The following CDH19 variants were observed in gnomAD, a reference collection of about 807,000 sequenced individuals.
The protein encoded by CDH19 is cadherin-19.
CDH19 carries 67 observed loss-of-function variants against 64.2 expected under a neutral mutation model. The observed-to-expected ratio is 1.04, with a 90% CI of 0.86 to 1.28. CDH19 has a LOEUF of 1.28. CDH19 is among the 50% of genes most tolerant of loss of function. The probability of loss-of-function intolerance (pLI) is 0.00; values close to 1 mark genes in which losing one functional copy is unlikely to be tolerated. For synonymous variants in CDH19, 346 were observed against 319.3 expected (o/e 1.08, Z -0.89); for missense variants, 1,030 against 929.0 (o/e 1.11, Z -1.41).
At chr18:66,536,332 G>A (rs888954490) in intron 7 of CDH19, among the ~76,000 whole-genome samples, 3 of 151,652 alleles carry the variant, frequency 2.0e-5, no homozygotes, top group Admixed American at 6.6e-5. Flanking sequence ...AAATCACGAG[G>A]AATTAAGCTT....
intron 7 of CDH19, among the ~76,000 whole-genome samples, chr18:66,537,667 A>G (rs1185219393): frequency 6.6e-6 from 1 of 152,072 alleles, no homozygotes; most frequent in Non-Finnish European, 1.5e-5. Flanking sequence ...TGGAACCACA[A>G]GATGCTCCAG....
chr18:66,586,497 A>T (rs1988582268), intron 1 of CDH19, among the ~76,000 whole-genome samples: 1 of 151,964 alleles, frequency 6.6e-6, no homozygotes, highest in Non-Finnish European at 1.5e-5. Context: ...GGAAGTAGTT[A>T]GAGAATATTA....
At chr18:66,554,633 G>T (rs1987454636) in intron 3 of CDH19, 109 bp from the exon 4 acceptor site, 4 of 805,258 alleles carry the variant, frequency 5.0e-6, no homozygotes, top group Non-Finnish European at 5.6e-6. Flanking sequence ...CAAAATGAAA[G>T]CTCAATTCAC....
chr18:66,544,835 C>T lies in CDH19; in HGVS notation c.844G>A (p.Asp282Asn). 1 of 1,612,196 alleles carries T rather than the reference C, an allele frequency of 6.2e-7. No homozygotes were observed. The highest frequency in any genetic ancestry group is 8.5e-7 in the Non-Finnish European group (1 of 1,178,464). Residue 282 changes from aspartate (D) to asparagine (N), a missense_variant, in exon 6 of 12, where the codon GAT becomes AAT. Coordinates refer to ENST00000262150, the MANE Select transcript of CDH19 (RefSeq NM_021153.4). The stretch of plus-strand genomic sequence containing the variant: ...TCTGCATTCTCTCCTATGTCATTAT[C>T]ATATGCCATGATTGTTCCTATAGAA... ...GTSIGTIMAYDNDIGENAEMD... is the reference protein window; with the variant it reads ...GTSIGTIMAYNNDIGENAEMD...
In CDH19 at chr18:66,535,115, A is replaced by G; in HGVS notation, c.1215-8T>C. The stretch of plus-strand genomic sequence containing the variant: ...CTCCTAGTAATAGAATACCTGAACC[A>G]AAAGGAAAGTATACCTTAATATTTT... On this transcript the variant is annotated splice_polypyrimidine_tract_variant and splice_region_variant and intron_variant, in intron 7 of 11. Transcript: ENST00000262150. 1 of 1,436,214 alleles carries G rather than the reference A, an allele frequency of 7.0e-7. No individual in the cohort carries two copies. The highest frequency in any genetic ancestry group is 9.4e-7 in the Non-Finnish European group (1 of 1,061,302). The allele number at this position is 1,436,214 out of a possible 1,614,324, so 89.0% of individuals were successfully genotyped here. A position where few individuals can be genotyped will look rare whatever the true frequency, so the allele number is the denominator to read the frequency against.
chr18:66,554,860 G>A (rs939120974), intron 3 of CDH19, among the ~76,000 whole-genome samples: 25 of 151,716 alleles, frequency 1.6e-4, no homozygotes, highest in African/African-American at 6.0e-4. Flanking sequence ...TGTATTATTA[G>A]TGGAGAAATT....
chr18:66,547,321 C>T (rs1354285134), intron 5 of CDH19, among the ~76,000 whole-genome samples: 3 of 151,460 alleles, frequency 2.0e-5, no homozygotes, highest in African/African-American at 7.3e-5. Context: ...AGAGGGTATG[C>T]GTGTGTGTGT....
chr18:66,581,554 G>A (rs973628319), intron 1 of CDH19, among the ~76,000 whole-genome samples: 1 of 152,104 alleles, frequency 6.6e-6, no homozygotes, highest in African/African-American at 2.4e-5. Context: ...GCAGGTGGAA[G>A]AAGGTGGGAG....
intron 5 of CDH19, among the ~76,000 whole-genome samples, chr18:66,547,199 T>A (rs1235262117): frequency 6.6e-6 from 1 of 152,140 alleles, no homozygotes; most frequent in East Asian, 1.9e-4. Flanking sequence ...GAAGTGTTCA[T>A]ATTTCGGATA....
At chr18:66,543,321 G>A (rs1182500315) in intron 7 of CDH19, among the ~76,000 whole-genome samples, 1 of 151,736 alleles carries the variant, frequency 6.6e-6, no homozygotes, top group Non-Finnish European at 1.5e-5. Context: ...GCCACCGCGC[G>A]CTGCCTTAAA....
In CDH19 at chr18:66,505,205, A is replaced by G. The variant is rs1312230546; in HGVS notation, c.1926T>C (p.Asp642=). 4 of 1,612,648 alleles carry G rather than the reference A, an allele frequency of 2.5e-6. No homozygotes were observed. Among genetic ancestry groups the G allele is most frequent in the Non-Finnish European group, 3.4e-6 (4 of 1,179,318 alleles). ...TATCTTCTTCTCCACCCCCTTCATC[A>G]TCATATTGGAATATATTCTCTCTGA... is the stretch of plus-strand genomic sequence containing the variant. ...EDFRENIFQY[D]DEGGGEEDTE... Residue 642 remains aspartate, a synonymous_variant, in exon 12 of 12, where the codon GAT becomes GAC. Transcript: ENST00000262150.
At chr18:66,538,543 T>C (rs58472268) in intron 7 of CDH19, among the ~76,000 whole-genome samples, 7,446 of 152,158 alleles carry the variant, frequency 0.049, 570 homozygotes, top group African/African-American at 0.16. Flanking sequence ...TGAAGGATAT[T>C]TGAGTCAATT....
intron 1 of CDH19, chr18:66,596,149 AG>A (rs1310462150): frequency 6.6e-6 from 1 of 152,120 alleles, no homozygotes; most frequent in African/African-American, 2.4e-5. Flanking sequence ...AAGGCATAAA[AG>A]GGACATACCT....
intron 9 of CDH19, among the ~76,000 whole-genome samples, chr18:66,523,937 C>T (rs1986105430): frequency 6.6e-6 from 1 of 151,958 alleles, no homozygotes; most frequent in South Asian, 2.1e-4. Flanking sequence ...GGCGTAATTC[C>T]TGTGCACAGC....
intron 1 of CDH19, among the ~76,000 whole-genome samples, chr18:66,603,380 A>G (rs1368430775): frequency 6.6e-6 from 1 of 151,566 alleles, no homozygotes; most frequent in African/African-American, 2.4e-5. Flanking sequence ...ATGTTATAAT[A>G]CATATAGGTA....
chr18:66,602,190 C>T (rs1989053575), intron 1 of CDH19, among the ~76,000 whole-genome samples: 1 of 151,938 alleles, frequency 6.6e-6, no homozygotes, highest in Admixed American at 6.6e-5. Context: ...CAGTTTAACA[C>T]ATTTATTCCT....
At chr18:66,587,612 T>C (rs946135319) in intron 1 of CDH19, among the ~76,000 whole-genome samples, 1 of 152,158 alleles carries the variant, frequency 6.6e-6, no homozygotes, top group Non-Finnish European at 1.5e-5. Context: ...GTAAAAGTGA[T>C]GTACACCATT....
At chr18:66,574,777 A>G (rs1988217320) in intron 1 of CDH19, among the ~76,000 whole-genome samples, 1 of 151,794 alleles carries the variant, frequency 6.6e-6, no homozygotes. Context: ...AGAAAATCTG[A>G]AAGGTAGACA....
chr18:66,504,866 A>G lies in CDH19; in HGVS notation c.2265T>C (p.Pro755=). 6.2e-7 allele frequency: 1 copy of G among 1,610,762 alleles called. No individual in the cohort carries two copies. Among genetic ancestry groups the G allele is most frequent in the Non-Finnish European group, 8.5e-7 (1 of 1,177,442 alleles). The change falls in exon 12 of 12, where the codon CCT becomes CCC. Residue 755 remains proline, a synonymous_variant. Transcript: ENST00000262150. ...ACATGCATGCTAATCTTTTAAAGCGAGGTCCCAACTCATTAAGGTAATCAT... is the reference window on the plus strand; with the variant it reads ...ACATGCATGCTAATCTTTTAAAGCGGGGTCCCAACTCATTAAGGTAATCAT... ...ESYDYLNELG[P]RFKRLACMFG... is the part of the protein sequence containing the mutation.
Sources: gnomAD v4.1 joint callset for allele counts (sites outside exome capture counted in the v4.1 genomes callset) on GRCh38, gnomAD v4.1.1 for gene constraint, MANE v1.5 for transcripts, NCBI Gene and HGNC (gene_info 2026-07-23, HGNC 2026-07-21) for gene names.